Variants in PKN2 observed in about 807,000 individuals in gnomAD.
PKN2 encodes the protein protein kinase N2.
In PKN2, 38 loss-of-function variants were observed where a neutral mutation model predicts 119.1. The ratio of observed to expected loss-of-function variants is 0.32; its 90% CI spans 0.25 to 0.42. The LOEUF is 0.42. Among genes scored for constraint, PKN2 ranks in the 10% least tolerant of loss-of-function variants. PKN2 has a pLI of 1.00. For missense variants in PKN2, 850 were observed against 1,165.1 expected, an observed-to-expected ratio of 0.73 and a Z score of 3.94; for synonymous variants, 390 against 384.9, an observed-to-expected ratio of 1.01 and a Z score of -0.15.
At chr1:88,779,288 A>G (rs770096584) in intron 6 of PKN2, among the ~76,000 whole-genome samples, 2 of 151,894 alleles carry the variant, frequency 1.3e-5, no homozygotes, top group Non-Finnish European at 2.9e-5. Flanking sequence ...GCTTATTTGT[A>G]GTAAACCTTT....
chr1:88,750,142 T>A (rs1668931209), intron 2 of PKN2, among the ~76,000 whole-genome samples: 1 of 152,126 alleles, frequency 6.6e-6, no homozygotes, highest in Non-Finnish European at 1.5e-5. Flanking sequence ...TTTGATAGCT[T>A]GAGAAAAAGC....
At chr1:88,829,175 C>A in intron 19 of PKN2, 1 of 738,578 alleles carries the variant, frequency 1.4e-6, no homozygotes, top group South Asian at 1.4e-5. Flanking sequence ...TGATATCATC[C>A]GATGGCCATG....
At chr1:88,722,788 A>T (rs1414511553) in intron 1 of PKN2, among the ~76,000 whole-genome samples, 1 of 142,460 alleles carries the variant, frequency 7.0e-6, no homozygotes, top group Non-Finnish European at 1.5e-5. Context: ...GTCTCAAAAT[A>T]AAAAAAAAAA....
chr1:88,835,664 A>C lies in PKN2; in HGVS notation c.*2216A>C, dbSNP rs1385202577. On this transcript the variant is annotated 3_prime_UTR_variant, in exon 22 of 22. Transcript: ENST00000370521. ...GACTGCTCAAGCACTTTGTAAAGAA[A>C]TTAGGATATTTTAGAATGGTACACT... 6.6e-6 allele frequency: 1 copy of C among 152,496 alleles called. No individual in the cohort carries two copies. The highest frequency in any genetic ancestry group is 6.6e-5 in the Admixed American group (1 of 15,266). The allele number at this position is 152,496 out of a possible 1,614,324, so 9.4% of individuals were successfully genotyped here.
intron 1 of PKN2, among the ~76,000 whole-genome samples, chr1:88,733,049 T>G (rs1207814203): frequency 6.6e-6 from 1 of 152,134 alleles, no homozygotes; most frequent in African/African-American, 2.4e-5. Context: ...TACAAAAAAG[T>G]TGGGAATATG....
At chr1:88,760,646 G>GT (rs941013713) in intron 3 of PKN2, among the ~76,000 whole-genome samples, 112 of 151,556 alleles carry the variant, frequency 7.4e-4, no homozygotes, top group African/African-American at 2.4e-3. Context: ...ATTTAGTGCT[G>GT]TTTTTTTTCA....
chr1:88,735,438 A>T (rs973434006), intron 1 of PKN2, among the ~76,000 whole-genome samples: 14 of 150,522 alleles, frequency 9.3e-5, no homozygotes, highest in African/African-American at 2.9e-4. Context: ...CTGAGATTAC[A>T]GATGTGAACC....
chr1:88,699,768 A>T (rs9804118), intron 1 of PKN2, among the ~76,000 whole-genome samples: 74 of 126,210 alleles, frequency 5.9e-4, no homozygotes, highest in African/African-American at 2.8e-3. Flanking sequence ...TGTTCCTTTT[A>T]TTTTTTTTTT....
At chr1:88,778,056 C>T (rs761243133) in intron 6 of PKN2, among the ~76,000 whole-genome samples, 3 of 152,116 alleles carry the variant, frequency 2.0e-5, no homozygotes, top group African/African-American at 7.2e-5. Context: ...TGAATCCACC[C>T]GTGACCTGAA....
intron 6 of PKN2, among the ~76,000 whole-genome samples, chr1:88,781,336 T>C (rs889152222): frequency 6.6e-6 from 1 of 151,994 alleles, no homozygotes; most frequent in African/African-American, 2.4e-5. Context: ...TTTGAGAAAT[T>C]TACTAGTTTT....
chr1:88,721,517 A>G (rs1667681435), intron 1 of PKN2, among the ~76,000 whole-genome samples: 1 of 152,204 alleles, frequency 6.6e-6, no homozygotes, highest in Admixed American at 6.5e-5. Context: ...GAGAAGGTTC[A>G]GAATGAAAAA....
intron 1 of PKN2, among the ~76,000 whole-genome samples, chr1:88,687,389 T>G (rs904322958): frequency 2.6e-5 from 4 of 152,222 alleles, no homozygotes; most frequent in African/African-American, 9.6e-5. Flanking sequence ...TTTTATCTCA[T>G]AACTAATTTG....
Position 88,804,546 on chromosome 1 carries a change from ATT to A in PKN2, c.1425+15_1425+16del. 6.3e-7 allele frequency: 1 copy of A among 1,598,314 alleles called. No homozygotes were observed. Among genetic ancestry groups the A allele is most frequent in the Non-Finnish European group, 8.6e-7 (1 of 1,166,654 alleles). On this transcript the variant is annotated intron_variant, in intron 9 of 21. Coordinates refer to ENST00000370521, the MANE Select transcript of PKN2 (RefSeq NM_006256.4). ...CTTTATTTGCAGAGGTAATAAATGT[ATT>A]TTATTAAATGTGCATAACTACAATT...
intron 1 of PKN2, among the ~76,000 whole-genome samples, chr1:88,711,398 G>C (rs1387022058): frequency 1.3e-5 from 2 of 152,096 alleles, no homozygotes; most frequent in Non-Finnish European, 2.9e-5. Flanking sequence ...TTTTGGTTTT[G>C]AAACATGTTT....
chr1:88,684,758 T>C, intron 1 of PKN2, 130 bp downstream of exon 1: 1 of 744,130 alleles, frequency 1.3e-6, no homozygotes. Flanking sequence ...AACTCCGGGA[T>C]GTCACTCGGG....
chr1:88,795,782 A>G (rs1049194940), intron 8 of PKN2, among the ~76,000 whole-genome samples: 11 of 152,176 alleles, frequency 7.2e-5, no homozygotes, highest in African/African-American at 2.7e-4. Context: ...CTCTATTTCT[A>G]GTCTATCCTT....
At chr1:88,746,628 G>A (rs1184387987) in intron 2 of PKN2, among the ~76,000 whole-genome samples, 1 of 152,114 alleles carries the variant, frequency 6.6e-6, no homozygotes, top group African/African-American at 2.4e-5. Context: ...AGGATATGGA[G>A]AAAAGGGAAG....
chr1:88,776,189 C>A (rs1002906497), intron 6 of PKN2, among the ~76,000 whole-genome samples: 1 of 138,576 alleles, frequency 7.2e-6, no homozygotes, highest in African/African-American at 3.0e-5. Flanking sequence ...TTTCCTTTCT[C>A]TCTCCCTCCC....
intron 1 of PKN2, among the ~76,000 whole-genome samples, chr1:88,708,620 T>G (rs1667098265): frequency 6.8e-6 from 1 of 147,868 alleles, no homozygotes. Context: ...CATAAAACTT[T>G]TTTTTTTTTT....
Sources: gnomAD v4.1 joint callset for allele counts (sites outside exome capture counted in the v4.1 genomes callset) on GRCh38, gnomAD v4.1.1 for gene constraint, MANE v1.5 for transcripts, NCBI Gene and HGNC (gene_info 2026-07-23, HGNC 2026-07-21) for gene names.